TMEM260: variants seen among roughly 807,000 people sequenced by gnomAD.
TMEM260 encodes the protein protein O-mannosyl-transferase TMEM260.
A neutral mutation model predicts 88.9 loss-of-function variants in TMEM260; 82 were observed. The ratio of observed to expected loss-of-function variants is 0.92; its 90% CI spans 0.77 to 1.11. The LOEUF (loss-of-function observed/expected upper bound fraction) is 1.11, where lower values mean the gene tolerates loss of function less well. Ranked by LOEUF, TMEM260 falls within the 50% of genes least tolerant of loss-of-function variation. TMEM260 has a pLI of 0.00. For missense variants in TMEM260, 902 were observed against 853.4 expected, an observed-to-expected ratio of 1.06 and a Z score of -0.71; for synonymous variants, 314 against 309.3, an observed-to-expected ratio of 1.02 and a Z score of -0.16.
intron 14 of TMEM260, among the ~76,000 whole-genome samples, chr14:56,635,971 C>CATATGTTTGCATAATTCACTGTGA (rs1889029190): frequency 1.3e-5 from 2 of 151,870 alleles, no homozygotes; most frequent in Non-Finnish European, 2.9e-5. Context: ...AAAGATATAC[C>CATATGTTTGCATAATTCACTGTGA]ATATGTTTGC....
chr14:56,590,042 G>A (rs1389003070), intron 3 of TMEM260, among the ~76,000 whole-genome samples: 1 of 152,174 alleles, frequency 6.6e-6, no homozygotes, highest in African/African-American at 2.4e-5. Context: ...CCAAGTTTTT[G>A]TAGTTGAAGA....
At chr14:56,581,767 G>A (rs1465636590) in intron 1 of TMEM260, among the ~76,000 whole-genome samples, 1 of 152,186 alleles carries the variant, frequency 6.6e-6, no homozygotes. Flanking sequence ...GTCACACAAA[G>A]TAGAGAAATC....
At chr14:56,620,608 A>T (rs965502761) in intron 10 of TMEM260, among the ~76,000 whole-genome samples, 31 of 152,104 alleles carry the variant, frequency 2.0e-4, no homozygotes, top group Admixed American at 2.0e-3. Flanking sequence ...TAGGTGGCAA[A>T]ATGTGCCTCA....
At chr14:56,608,456 A>G (rs986225050) in intron 5 of TMEM260, among the ~76,000 whole-genome samples, 2 of 152,188 alleles carry the variant, frequency 1.3e-5, no homozygotes, top group South Asian at 2.1e-4. Flanking sequence ...TATTTTACCA[A>G]TGAGAAATAT....
intron 5 of TMEM260, among the ~76,000 whole-genome samples, chr14:56,607,459 A>T (rs539350144): frequency 6.6e-6 from 1 of 152,168 alleles, no homozygotes; most frequent in Non-Finnish European, 1.5e-5. Flanking sequence ...ATTAGTTAAA[A>T]AGCAGAGGCT....
chr14:56,612,223 A>C (rs772011283), intron 6 of TMEM260, 22 bp from the exon 7 acceptor site: 10 of 1,606,826 alleles, frequency 6.2e-6, no homozygotes, highest in Admixed American at 5.0e-5. Flanking sequence ...TGTGCAGATA[A>C]ACTTTTGTCT....
intron 15 of TMEM260, among the ~76,000 whole-genome samples, chr14:56,642,932 G>T (rs1289712064): frequency 6.6e-6 from 1 of 152,098 alleles, no homozygotes; most frequent in African/African-American, 2.4e-5. Flanking sequence ...ATAAATTCCT[G>T]GAGACATACA....
At chr14:56,605,094 T>A (rs1166310288) in intron 4 of TMEM260, among the ~76,000 whole-genome samples, 1 of 152,204 alleles carries the variant, frequency 6.6e-6, no homozygotes, top group Admixed American at 6.5e-5. Context: ...GGAGCCTGAC[T>A]TGAGTTTGGT....
intron 13 of TMEM260, 42 bp from the exon 14 acceptor site, chr14:56,634,857 A>AT: frequency 1.9e-6 from 3 of 1,546,342 alleles, no homozygotes; most frequent in Non-Finnish European, 1.8e-6. Context: ...AAAAAAAAAA[A>AT]GTGGGTGACA....
chr14:56,633,941 T>C (rs556810108), intron 13 of TMEM260, among the ~76,000 whole-genome samples: 78 of 152,324 alleles, frequency 5.1e-4, no homozygotes, highest in African/African-American at 1.8e-3. Flanking sequence ...GTAAAGGTTT[T>C]TTGAAAAGAC....
At chr14:56,595,735 C>T (rs1282493082) in intron 3 of TMEM260, among the ~76,000 whole-genome samples, 1 of 152,158 alleles carries the variant, frequency 6.6e-6, no homozygotes, top group African/African-American at 2.4e-5. Flanking sequence ...CGATCCTCTG[C>T]CTCAGCCTTG....
At position 56,647,518 on chromosome 14, in the gene TMEM260, C is replaced by G. The variant is rs767116913; in HGVS notation, c.*21C>G. ...TCTGAGACAGCAAAATATGAAAAACCTGCTCATCGTTCAGCTTCCAAAATT... is the reference window on the plus strand; with the variant it reads ...TCTGAGACAGCAAAATATGAAAAACGTGCTCATCGTTCAGCTTCCAAAATT... On this transcript the variant is annotated 3_prime_UTR_variant, in exon 16 of 16. Coordinates refer to ENST00000261556, the MANE Select transcript of TMEM260 (RefSeq NM_017799.4). 3.2e-6 allele frequency: 5 copies of G among 1,564,248 alleles called. No homozygotes were observed. The East Asian group carries it at 1.1e-4, about 35-fold the overall frequency.
intron 3 of TMEM260, among the ~76,000 whole-genome samples, chr14:56,586,251 A>G (rs965984010): frequency 6.6e-6 from 1 of 152,136 alleles, no homozygotes; most frequent in African/African-American, 2.4e-5. Flanking sequence ...AATATCATTT[A>G]ATTATTCACA....
chr14:56,635,844 A>AAT (rs3067786), intron 14 of TMEM260, among the ~76,000 whole-genome samples: 45,872 of 150,800 alleles, frequency 0.3, 7,734 homozygotes, highest in Non-Finnish European at 0.4. Context: ...AATGATTGCA[A>AAT]ATATATATAT....
At chr14:56,581,095 G>A (rs142303189) in intron 1 of TMEM260, among the ~76,000 whole-genome samples, 30 of 152,310 alleles carry the variant, frequency 2.0e-4, no homozygotes, top group African/African-American at 7.2e-4. Flanking sequence ...TCTTTGCTAT[G>A]TGGGTCTCCA....
intron 7 of TMEM260, 138 bp downstream of exon 7, chr14:56,612,423 G>GT: frequency 1.4e-6 from 1 of 739,820 alleles, no homozygotes; most frequent in South Asian, 1.7e-5. Context: ...GTTAACAGTT[G>GT]TTTGTGTTTA....
In TMEM260 at chr14:56,648,713, C is replaced by T. The variant is rs1890113839; in HGVS notation, c.*1216C>T. 2 of 152,754 alleles carry T rather than the reference C, an allele frequency of 1.3e-5. No homozygotes were observed. Among genetic ancestry groups the T allele is most frequent in the Middle Eastern group, 3.4e-3 (1 of 294 alleles). The allele number at this position is 152,754 out of a possible 1,614,324, so 9.5% of individuals were successfully genotyped here. ...GCATGGTTCCCTTTCATACTACGAC[C>T]ATAATTAAAACCACTAATTCTCTTT... On this transcript the variant is annotated 3_prime_UTR_variant, in exon 16 of 16. Coordinates refer to ENST00000261556, the MANE Select transcript of TMEM260 (RefSeq NM_017799.4).
At position 56,636,488 on chromosome 14, in the gene TMEM260, G is replaced by T. The variant is rs762251157; in HGVS notation, c.1779-20G>T. 1.2e-6 allele frequency: 2 copies of T among 1,608,464 alleles called. No homozygotes were observed. The highest frequency in any genetic ancestry group is 8.5e-7 in the Non-Finnish European group (1 of 1,175,088). On this transcript the variant is annotated intron_variant, in intron 14 of 15. Coordinates refer to ENST00000261556, the MANE Select transcript of TMEM260 (RefSeq NM_017799.4). ...AATTGACTGTATGATTTTAATGAAG[G>T]TTCCTATCCCCACCCCCAGGATGAA...
chr14:56,646,332 AC>A (rs1220870384), intron 15 of TMEM260, among the ~76,000 whole-genome samples: 1 of 152,226 alleles, frequency 6.6e-6, no homozygotes, highest in Non-Finnish European at 1.5e-5. Flanking sequence ...TTCAAAAAGC[AC>A]TTGTCCCTTG....
Sources: gnomAD v4.1 joint callset for allele counts (sites outside exome capture counted in the v4.1 genomes callset) on GRCh38, gnomAD v4.1.1 for gene constraint, MANE v1.5 for transcripts, NCBI Gene and HGNC (gene_info 2026-07-23, HGNC 2026-07-21) for gene names.